Variants in SLC13A4 observed in about 807,000 individuals in gnomAD.
SLC13A4 encodes Na(+)/sulfate cotransporter SUT-1.
In SLC13A4, 28 loss-of-function variants were observed where a neutral mutation model predicts 72.7. That is an observed-to-expected ratio of 0.39 (90% CI 0.29 to 0.53). SLC13A4 has a LOEUF of 0.53. Ranked by LOEUF, SLC13A4 falls within the 20% of genes least tolerant of loss-of-function variation. The pLI is 0.78. For synonymous variants in SLC13A4, 312 were observed against 325.5 expected (o/e 0.96, Z 0.45); for missense variants, 653 against 788.0 (o/e 0.83, Z 2.05).
intron 1 of SLC13A4, among the ~76,000 whole-genome samples, chr7:135,726,180 C>G (rs1041911126): frequency 6.6e-6 from 1 of 151,922 alleles, no homozygotes; most frequent in East Asian, 1.9e-4. Context: ...GGAGAAAAAA[C>G]AAAAACAAGA....
intron 7 of SLC13A4, 29 bp downstream of exon 7, chr7:135,701,651 A>C: frequency 6.2e-7 from 1 of 1,608,052 alleles, no homozygotes; most frequent in South Asian, 1.1e-5. Flanking sequence ...TCATGTAGGA[A>C]ACAGAGCTAG....
intron 2 of SLC13A4, among the ~76,000 whole-genome samples, chr7:135,710,538 A>G (rs1796276879): frequency 6.7e-6 from 1 of 149,526 alleles, no homozygotes; most frequent in African/African-American, 2.4e-5. Context: ...GAAGCTGTTA[A>G]CAAAGTTACA....
intron 15 of SLC13A4, among the ~76,000 whole-genome samples, 182 bp from the exon 16 acceptor site, chr7:135,681,882 A>G (rs1268160129): frequency 1.3e-5 from 2 of 152,182 alleles, no homozygotes; most frequent in Admixed American, 6.5e-5. Flanking sequence ...GAAAGGGACA[A>G]TTAGAGTCAT....
Position 135,705,979 on chromosome 7 carries a change from G to A in SLC13A4, c.538+149C>T, listed in dbSNP as rs1010800691. On this transcript the variant is annotated intron_variant, in intron 4 of 15. Coordinates refer to ENST00000682651, the MANE Select transcript of SLC13A4 (RefSeq NM_001318192.2). ...CCAAGAGCTGGGATGGGAAAGAGGAGAGAGGGAAGAGGAAGGGGAATGTGG... is the reference window on the plus strand; with the variant it reads ...CCAAGAGCTGGGATGGGAAAGAGGAAAGAGGGAAGAGGAAGGGGAATGTGG... The A allele has an allele frequency of 7.4e-6, 5 of 679,790 alleles. No homozygotes were observed. In the African/African-American group the frequency reaches 8.9e-5, roughly 12 times the overall value. The allele number at this position is 679,790 out of a possible 1,614,324, so 42.1% of individuals were successfully genotyped here. A position where few individuals can be genotyped will look rare whatever the true frequency, so the allele number is the denominator to read the frequency against.
chr7:135,714,222 G>A (rs1796365764), intron 2 of SLC13A4, among the ~76,000 whole-genome samples: 1 of 152,246 alleles, frequency 6.6e-6, no homozygotes, highest in Admixed American at 6.5e-5. Flanking sequence ...TCCTGCCCTA[G>A]AGAAGTCTAA....
intron 13 of SLC13A4, among the ~76,000 whole-genome samples, chr7:135,689,949 G>GT (rs760991310): frequency 4.5e-4 from 68 of 152,232 alleles, no homozygotes; most frequent in Non-Finnish European, 5.6e-4. Flanking sequence ...GGAGGCCAAG[G>GT]TGGGTGGATC....
At chr7:135,682,074 T>G (rs1795515891) in intron 15 of SLC13A4, among the ~76,000 whole-genome samples, 1 of 152,178 alleles carries the variant, frequency 6.6e-6, no homozygotes. Flanking sequence ...AGAGCCCCGA[T>G]GCGTTAATAC....
chr7:135,718,962 G>A (rs149310510), intron 2 of SLC13A4, among the ~76,000 whole-genome samples: 1 of 152,184 alleles, frequency 6.6e-6, no homozygotes, highest in South Asian at 2.1e-4. Context: ...AGCTAAGAAG[G>A]TCAGCTAAAC....
intron 2 of SLC13A4, among the ~76,000 whole-genome samples, chr7:135,717,825 G>A (rs1265444743): frequency 1.3e-5 from 2 of 152,092 alleles, no homozygotes; most frequent in Non-Finnish European, 2.9e-5. Flanking sequence ...CCAATCTGTC[G>A]AGGGCCTGAC....
rs930688279 is a variant in SLC13A4 at position 135,684,145 on chromosome 7, C to T, written c.1725G>A (p.Gly575=). 6.2e-7 allele frequency: 1 copy of T among 1,610,844 alleles called. No homozygotes were observed. The highest frequency in any genetic ancestry group is 1.7e-5 in the Admixed American group (1 of 59,768). Residue 575 remains glycine, a synonymous_variant, in exon 15 of 16, where the codon GGG becomes GGA. Coordinates refer to ENST00000682651, the MANE Select transcript of SLC13A4 (RefSeq NM_001318192.2). ...TCACCATATCTTTGATCTGGCAGTG[C>T]CCATAGCTGAAGACGATGGCATTAG... ...NPPNAIVFSY[G]HCQIKDMVKA... is the part of the protein sequence containing the mutation.
intron 13 of SLC13A4, among the ~76,000 whole-genome samples, chr7:135,688,058 C>T (rs879723962): frequency 3.3e-5 from 5 of 152,060 alleles, no homozygotes; most frequent in Admixed American, 2.6e-4. Context: ...TCACCACAAC[C>T]TCTGCCTCCC....
chr7:135,727,619 C>T lies in SLC13A4; in HGVS notation c.-123G>A. The T allele has an allele frequency of 1.6e-6, 2 of 1,285,878 alleles. No homozygotes were observed. The highest frequency in any genetic ancestry group is 2.5e-5 in the Admixed American group (1 of 39,906). The allele number at this position is 1,285,878 out of a possible 1,614,324, so 79.7% of individuals were successfully genotyped here. A position where few individuals can be genotyped will look rare whatever the true frequency, so the allele number is the denominator to read the frequency against. On this transcript the variant is annotated 5_prime_UTR_variant, in exon 1 of 16. Coordinates refer to ENST00000682651, the MANE Select transcript of SLC13A4 (RefSeq NM_001318192.2). ...CCTTTCTTGGCTTCCGAGAGTCCTC[C>T]TTCGTCTTGGGGGCAGAACGGGAGG...
chr7:135,718,957 A>G (rs746280034), intron 2 of SLC13A4, among the ~76,000 whole-genome samples: 1 of 152,238 alleles, frequency 6.6e-6, no homozygotes, highest in Non-Finnish European at 1.5e-5. Flanking sequence ...ATCTGAGCTA[A>G]GAAGGTCAGC....
chr7:135,725,873 G>T (rs113142670), intron 1 of SLC13A4, among the ~76,000 whole-genome samples: 4,538 of 152,238 alleles, frequency 0.03, 169 homozygotes, highest in African/African-American at 0.091. Flanking sequence ...AGAGGCTGAG[G>T]CACGAGGATT....
Position 135,692,402 on chromosome 7 carries a change from A to G in SLC13A4, c.1144T>C (p.Phe382Leu), listed in dbSNP as rs373782783. The change falls in exon 11 of 16, where the codon TTT becomes CTT. Residue 382 changes from phenylalanine (F) to leucine (L), a missense_variant. Phe to Leu is a conservative substitution (Grantham distance 22). Coordinates refer to ENST00000682651, the MANE Select transcript of SLC13A4 (RefSeq NM_001318192.2). ...DISYPEMVTG[F>L]FFILMTVLWF... The stretch of plus-strand genomic sequence containing the variant: ...AGTACGGTCATCAGGATGAAGAAAA[A>G]TCCAGTCACCATTTCTGGGTAGCTA... 1.9e-6 allele frequency: 3 copies of G among 1,613,166 alleles called. No homozygotes were observed. In the African/African-American group the frequency reaches 4.0e-5, roughly 22 times the overall value.
rs1190205631 is a variant in SLC13A4 at position 135,727,623 on chromosome 7, G to A, written c.-127C>T. On this transcript the variant is annotated 5_prime_UTR_variant, in exon 1 of 16. It adds an upstream start codon to the 5' untranslated region. Coordinates refer to ENST00000682651, the MANE Select transcript of SLC13A4 (RefSeq NM_001318192.2). ...TCTTGGCTTCCGAGAGTCCTCCTTC[G>A]TCTTGGGGGCAGAACGGGAGGGCAG... 2 of 1,229,756 alleles carry A rather than the reference G, an allele frequency of 1.6e-6. No individual in the cohort carries two copies. The highest frequency in any genetic ancestry group is 2.6e-5 in the East Asian group (1 of 38,142). The allele number at this position is 1,229,756 out of a possible 1,614,324, so 76.2% of individuals were successfully genotyped here. A position where few individuals can be genotyped will look rare whatever the true frequency, so the allele number is the denominator to read the frequency against.
chr7:135,688,798 A>G (rs1015200492), intron 13 of SLC13A4: 2 of 152,204 alleles, frequency 1.3e-5, no homozygotes, highest in African/African-American at 4.8e-5. Context: ...AAATTAGTAG[A>G]GGCAGTAGGC....
intron 6 of SLC13A4, chr7:135,702,186 G>C (rs1323205714): frequency 6.3e-6 from 1 of 157,856 alleles, no homozygotes; most frequent in African/African-American, 2.4e-5. Flanking sequence ...CGATCCTCCT[G>C]CCTCAGCCTC....
intron 11 of SLC13A4, chr7:135,692,118 A>T (rs911373201): frequency 1.7e-6 from 1 of 585,684 alleles, no homozygotes; most frequent in South Asian, 2.1e-5. Flanking sequence ...ATGAGACTAC[A>T]TGCAGCACTG....
Sources: allele counts gnomAD v4.1 joint callset (sites outside exome capture counted in the v4.1 genomes callset), GRCh38; gene constraint gnomAD v4.1.1; transcripts MANE v1.5; gene names NCBI Gene and HGNC (gene_info 2026-07-23, HGNC 2026-07-21).